Variants in OXR1 observed in about 807,000 individuals in gnomAD.
OXR1 encodes the protein oxidation resistance protein 1.
Under a neutral mutation model 104.6 loss-of-function variants are expected in OXR1, and 41 were observed. The ratio of observed to expected loss-of-function variants is 0.39; its 90% CI spans 0.31 to 0.51. The LOEUF (loss-of-function observed/expected upper bound fraction) is 0.51, where lower values mean the gene tolerates loss of function less well. Among genes scored for constraint, OXR1 ranks in the 20% least tolerant of loss-of-function variants. OXR1 has a pLI of 0.77. For synonymous variants in OXR1, 348 were observed against 348.4 expected, an observed-to-expected ratio of 1.00 and a Z score of 0.01; for missense variants, 955 against 1,031.9, an observed-to-expected ratio of 0.93 and a Z score of 1.02.
intron 2 of OXR1, among the ~76,000 whole-genome samples, chr8:106,369,388 G>C (rs1816613538): frequency 6.6e-6 from 1 of 152,158 alleles, no homozygotes; most frequent in South Asian, 2.1e-4. Context: ...CTGTGTAGAA[G>C]CTCATTATTT....
chr8:106,355,142 C>A (rs1292174372), intron 1 of OXR1, among the ~76,000 whole-genome samples: 1 of 152,014 alleles, frequency 6.6e-6, no homozygotes, highest in Non-Finnish European at 1.5e-5. Context: ...CAGGGGAAGT[C>A]AAATCACTCC....
chr8:106,638,429 G>C (rs1823338140), intron 3 of OXR1, among the ~76,000 whole-genome samples: 1 of 152,052 alleles, frequency 6.6e-6, no homozygotes, highest in South Asian at 2.1e-4. Context: ...AAACTTGAAG[G>C]CATCAGAATC....
At chr8:106,591,507 T>TA (rs1244065470) in intron 3 of OXR1, among the ~76,000 whole-genome samples, 1 of 151,910 alleles carries the variant, frequency 6.6e-6, no homozygotes, top group Non-Finnish European at 1.5e-5. Flanking sequence ...GAAAAATTAT[T>TA]AAAAAATAAC....
At chr8:106,337,491 G>A (rs763004997) in intron 1 of OXR1, among the ~76,000 whole-genome samples, 8 of 152,088 alleles carry the variant, frequency 5.3e-5, no homozygotes, top group African/African-American at 1.2e-4. Context: ...ATGGCCAGAC[G>A]AGGATCACAC....
chr8:106,563,760 GC>G (rs1816863447), intron 3 of OXR1, among the ~76,000 whole-genome samples: 1 of 152,092 alleles, frequency 6.6e-6, no homozygotes, highest in Non-Finnish European at 1.5e-5. Context: ...CTCAGCAAAT[GC>G]AAAAGAACAG....
chr8:106,416,830 C>G (rs948203827), intron 2 of OXR1, among the ~76,000 whole-genome samples: 8 of 152,052 alleles, frequency 5.3e-5, no homozygotes, highest in African/African-American at 1.9e-4. Flanking sequence ...TCTTATTTCA[C>G]CATTGCTTAT....
At chr8:106,646,315 C>A (rs1824080735) in intron 3 of OXR1, among the ~76,000 whole-genome samples, 1 of 151,978 alleles carries the variant, frequency 6.6e-6, no homozygotes, top group Non-Finnish European at 1.5e-5. Flanking sequence ...CTATGTTGGC[C>A]AGGCTGGTCT....
At chr8:106,279,167 A>G (rs999466633) in intron 1 of OXR1, among the ~76,000 whole-genome samples, 16 of 152,290 alleles carry the variant, frequency 1.1e-4, no homozygotes, top group African/African-American at 2.6e-4. Context: ...TAAATTTCCA[A>G]TCAGCAGTTA....
At chr8:106,492,255 C>T (rs946564836) in intron 2 of OXR1, among the ~76,000 whole-genome samples, 4 of 152,190 alleles carry the variant, frequency 2.6e-5, no homozygotes, top group African/African-American at 9.7e-5. Flanking sequence ...CAACTTTCAG[C>T]AAGTGCTATG....
intron 2 of OXR1, among the ~76,000 whole-genome samples, chr8:106,373,464 G>A (rs1816788653): frequency 6.6e-6 from 1 of 152,184 alleles, no homozygotes; most frequent in South Asian, 2.1e-4. Context: ...TGGAGAGAAT[G>A]TTGGCATAAA....
At chr8:106,637,761 C>CTTTT (rs71307078) in intron 3 of OXR1, among the ~76,000 whole-genome samples, 2 of 128,404 alleles carry the variant, frequency 1.6e-5, no homozygotes, top group Admixed American at 8.0e-5. Flanking sequence ...ATAGTTTCGA[C>CTTTT]TTTTTTTTTT....
intron 3 of OXR1, among the ~76,000 whole-genome samples, chr8:106,643,771 C>A (rs539531262): frequency 6.6e-6 from 1 of 152,170 alleles, no homozygotes; most frequent in African/African-American, 2.4e-5. Context: ...AGTGTGTGAC[C>A]TTGAGAGGTA....
At chr8:106,671,043 T>TCAAAAAAAACAAAAACAAAAACAAAAA (rs1826901655) in intron 3 of OXR1, among the ~76,000 whole-genome samples, 2 of 27,064 alleles carry the variant, frequency 7.4e-5, no homozygotes, top group African/African-American at 7.0e-4. Context: ...AGACTCTGTC[T>TCAAAAAAAACAAAAACAAAAACAAAAA]CAAAAAAAAA....
At chr8:106,521,125 C>T (rs751087920) in intron 3 of OXR1, among the ~76,000 whole-genome samples, 32 of 152,088 alleles carry the variant, frequency 2.1e-4, no homozygotes, top group Non-Finnish European at 4.1e-4. Context: ...GTAATTTGGA[C>T]CTGGAAACAT....
chr8:106,385,653 T>A (rs2130427524), intron 2 of OXR1, among the ~76,000 whole-genome samples: 1 of 152,198 alleles, frequency 6.6e-6, no homozygotes, highest in Middle Eastern at 3.4e-3. Context: ...AGGTAGTGAG[T>A]GTCTAAAATG....
chr8:106,444,326 A>G (rs1282091888), intron 2 of OXR1, among the ~76,000 whole-genome samples: 2 of 152,222 alleles, frequency 1.3e-5, no homozygotes, highest in African/African-American at 4.8e-5. Context: ...TGTTCCAGCA[A>G]TCCCATTACT....
intron 1 of OXR1, among the ~76,000 whole-genome samples, chr8:106,329,211 T>TAA (rs1563720704): frequency 2.6e-5 from 4 of 151,226 alleles, no homozygotes; most frequent in Non-Finnish European, 5.9e-5. Context: ...AGGCTGATCT[T>TAA]AAACTCCTGA....
At chr8:106,695,053 T>A (rs1829867086) in intron 7 of OXR1, among the ~76,000 whole-genome samples, 1 of 142,180 alleles carries the variant, frequency 7.0e-6, no homozygotes, top group South Asian at 2.2e-4. Flanking sequence ...TACACACACC[T>A]TACAACAGTA....
At position 106,531,970 on chromosome 8, in the gene OXR1, C is replaced by T. The variant is rs138471350; in HGVS notation, c.220+12831C>T. ...TCCATGCTTTCTTCTTTCTTTTTCA[C>T]CTCCACCCCTATATAAGCCTGGGTA... On this transcript the variant is annotated intron_variant, in intron 3 of 16. Coordinates refer to ENST00000517566, the MANE Select transcript of OXR1 (RefSeq NM_001198533.2). 4.6e-5 allele frequency among the ~76,000 whole-genome samples: 7 copies of T among 152,254 alleles called. No homozygotes were observed. In the South Asian group the frequency reaches 6.2e-4, roughly 14 times the overall value.
Sources: gnomAD v4.1 joint callset for allele counts (sites outside exome capture counted in the v4.1 genomes callset) on GRCh38, gnomAD v4.1.1 for gene constraint, MANE v1.5 for transcripts, NCBI Gene and HGNC (gene_info 2026-07-23, HGNC 2026-07-21) for gene names.